The following CD38 variants were observed in gnomAD, a reference collection of about 807,000 sequenced individuals.
CD38 encodes the protein ADP-ribosyl cyclase/cyclic ADP-ribose hydrolase 1.
CD38 carries 31 observed loss-of-function variants against 36.3 expected under a neutral mutation model. The observed-to-expected ratio is 0.85, with a 90% CI of 0.64 to 1.15. CD38 has a LOEUF of 1.15. CD38 is among the 50% of genes most tolerant of loss of function. The pLI, the probability that CD38 is intolerant of heterozygous loss-of-function variation, is 0.00. For missense variants in CD38, 380 were observed against 371.9 expected, an observed-to-expected ratio of 1.02 and a Z score of -0.18; for synonymous variants, 131 against 135.2, an observed-to-expected ratio of 0.97 and a Z score of 0.22.
intron 1 of CD38, among the ~76,000 whole-genome samples, chr4:15,785,885 G>A (rs1438117367): frequency 6.6e-6 from 1 of 152,200 alleles, no homozygotes; most frequent in East Asian, 1.9e-4. Flanking sequence ...TCCTTCTGGT[G>A]TTGGACATGT....
chr4:15,816,638 A>G lies in CD38; in HGVS notation c.361A>G (p.Lys121Glu). ...GGGAACTCAGACCGTACCTTGCAACAAGGTAATTGGGGGCATGCCATTGAT... is the reference window on the plus strand; with the variant it reads ...GGGAACTCAGACCGTACCTTGCAACGAGGTAATTGGGGGCATGCCATTGAT... ...KLGTQTVPCN[K>E]ILLWSRIKDL... is the part of the protein sequence containing the mutation. The change falls in exon 2 of 8, where the codon AAG becomes GAG. Residue 121 changes from lysine to glutamate, a missense_variant and splice_region_variant. Lys to Glu is a moderately conservative substitution (Grantham distance 56, BLOSUM62 1). Transcript: ENST00000226279. The G allele has an allele frequency of 6.2e-7, 1 of 1,613,792 alleles. No individual in the cohort carries two copies.
At chr4:15,813,337 T>A (rs73114407) in intron 1 of CD38, among the ~76,000 whole-genome samples, 2 of 152,216 alleles carry the variant, frequency 1.3e-5, no homozygotes, top group Non-Finnish European at 2.9e-5. Context: ...TGTTGGATTT[T>A]GTTAATATTT....
chr4:15,848,582 T>C lies in CD38; in HGVS notation c.883T>C (p.Ser295Pro). 12 of 1,613,850 alleles carry C rather than the reference T, an allele frequency of 7.4e-6. No homozygotes were observed. Among genetic ancestry groups the C allele is most frequent in the South Asian group, 1.1e-5 (1 of 91,072 alleles). Residue 295 changes from serine to proline, a missense_variant, in exon 8 of 8, where the codon TCT becomes CCT. Coordinates refer to ENST00000226279, the MANE Select transcript of CD38 (RefSeq NM_001775.4). ...GTGTGTGAAAAATCCTGAGGATTCA[T>C]CTTGCACATCTGAGATCTGAGCCAG... is the stretch of plus-strand genomic sequence containing the variant. ...LQCVKNPEDS[S>P]CTSEI
intron 6 of CD38, 134 bp from the exon 7 acceptor site, chr4:15,840,318 G>C (rs965132718): frequency 2.7e-6 from 2 of 729,186 alleles, no homozygotes; most frequent in African/African-American, 3.5e-5. Flanking sequence ...GCTGACCCAG[G>C]AGCTCTTAGA....
In CD38 at chr4:15,838,128, C is replaced by T; in HGVS notation, c.622C>T (p.Leu208Phe). Residue 208 changes from leucine to phenylalanine, a missense_variant, in exon 5 of 8, where the codon CTC becomes TTC. Physicochemically the swap from Leu to Phe is conservative, Grantham distance 22. Coordinates refer to ENST00000226279, the MANE Select transcript of CD38 (RefSeq NM_001775.4). ...EAACDVVHVM[L>F]NGSRSKIFDK... is the part of the protein sequence containing the mutation. ...TGCCTGTGATGTGGTCCATGTGATGCTCAATGGATCCCGCAGTAAAATCTT... is the reference window on the plus strand; with the variant it reads ...TGCCTGTGATGTGGTCCATGTGATGTTCAATGGATCCCGCAGTAAAATCTT... 5 of 1,613,628 alleles carry T rather than the reference C, an allele frequency of 3.1e-6. No homozygotes were observed. The highest frequency in any genetic ancestry group is 4.2e-6 in the Non-Finnish European group (5 of 1,179,786).
Position 15,848,661 on chromosome 4 carries a change from G to T in CD38, c.*59G>T. The T allele has an allele frequency of 7.2e-7, 1 of 1,386,710 alleles. No individual in the cohort carries two copies. Among genetic ancestry groups the T allele is most frequent in the South Asian group, 1.2e-5 (1 of 85,720 alleles). The allele number at this position is 1,386,710 out of a possible 1,614,324, so 85.9% of individuals were successfully genotyped here. ...CCTTGTGGTTTATGTCATCATACAT[G>T]ACTCAGCATACCTGCTGGTGCAGAG... is the stretch of plus-strand genomic sequence containing the variant. On this transcript the variant is annotated 3_prime_UTR_variant, in exon 8 of 8. Coordinates refer to ENST00000226279, the MANE Select transcript of CD38 (RefSeq NM_001775.4).
At chr4:15,831,863 TG>T (rs1723966979) in intron 3 of CD38, among the ~76,000 whole-genome samples, 1 of 152,212 alleles carries the variant, frequency 6.6e-6, no homozygotes, top group African/African-American at 2.4e-5. Context: ...ATTATTGCTT[TG>T]AATAAACTTT....
intron 3 of CD38, among the ~76,000 whole-genome samples, chr4:15,831,485 C>T (rs1374535236): frequency 1.3e-5 from 2 of 152,122 alleles, no homozygotes; most frequent in African/African-American, 4.8e-5. Context: ...AAATCCCTCA[C>T]CTTTTGTTTG....
chr4:15,835,007 A>G (rs1248792646), intron 4 of CD38, among the ~76,000 whole-genome samples: 30 of 152,192 alleles, frequency 2.0e-4, no homozygotes, highest in Admixed American at 1.9e-3. Context: ...CATATCTGTC[A>G]TCTCGAACAT....
chr4:15,830,934 T>G (rs545786139), intron 3 of CD38, among the ~76,000 whole-genome samples: 5 of 152,250 alleles, frequency 3.3e-5, no homozygotes, highest in African/African-American at 4.8e-5. Context: ...TTCTGTTTGT[T>G]TTGTGGTCTT....
chr4:15,848,215 T>A (rs1338212891), intron 7 of CD38, among the ~76,000 whole-genome samples: 1 of 152,226 alleles, frequency 6.6e-6, no homozygotes, highest in Non-Finnish European at 1.5e-5. Context: ...GTCCCCTTGC[T>A]GAGGGTCTCC....
At chr4:15,806,662 G>A (rs1354839090) in intron 1 of CD38, among the ~76,000 whole-genome samples, 2 of 152,138 alleles carry the variant, frequency 1.3e-5, no homozygotes, top group Non-Finnish European at 2.9e-5. Flanking sequence ...AGTGGTGGGA[G>A]GTGAACTCGA....
chr4:15,837,328 AT>A (rs1274655166), intron 4 of CD38, among the ~76,000 whole-genome samples: 1 of 151,966 alleles, frequency 6.6e-6, no homozygotes, highest in Non-Finnish European at 1.5e-5. Context: ...TCTTTTTCTG[AT>A]AACAGAGGCC....
At chr4:15,807,165 G>T (rs1008280895) in intron 1 of CD38, among the ~76,000 whole-genome samples, 1 of 152,142 alleles carries the variant, frequency 6.6e-6, no homozygotes, top group African/African-American at 2.4e-5. Context: ...ACTTACTGAG[G>T]ATTTGGGCTT....
intron 1 of CD38, among the ~76,000 whole-genome samples, chr4:15,800,978 T>C (rs1723210854): frequency 6.6e-6 from 1 of 151,524 alleles, no homozygotes; most frequent in South Asian, 2.1e-4. Flanking sequence ...ATGAAATAGG[T>C]TGGAAAAGTA....
At chr4:15,794,983 T>G (rs1180998547) in intron 1 of CD38, among the ~76,000 whole-genome samples, 1 of 152,126 alleles carries the variant, frequency 6.6e-6, no homozygotes, top group Non-Finnish European at 1.5e-5. Context: ...GAATGAATAG[T>G]GTTGATTAGT....
At chr4:15,832,753 T>G (rs1282021522) in intron 3 of CD38, among the ~76,000 whole-genome samples, 1 of 152,098 alleles carries the variant, frequency 6.6e-6, no homozygotes, top group African/African-American at 2.4e-5. Flanking sequence ...TGCTCAAGGC[T>G]CTGGGGCTCT....
chr4:15,841,971 C>T (rs1240162296), intron 7 of CD38, among the ~76,000 whole-genome samples: 3 of 139,074 alleles, frequency 2.2e-5, no homozygotes, highest in African/African-American at 2.9e-5. Context: ...AAGGCGGCAA[C>T]GAGGCTGGGG....
In CD38 at chr4:15,850,406, A is replaced by T. The variant is rs73116405; in HGVS notation, c.*1804A>T. ...ACCACAATTTATTGAAAATAGCCTA[A>T]ATGTTGGAGTCAGGCATTTCTGGAT... On this transcript the variant is annotated 3_prime_UTR_variant, in exon 8 of 8. Transcript: ENST00000226279. The T allele has an allele frequency of 2.7e-3, 414 of 152,296 alleles. 2 individuals are homozygous for T. The highest frequency in any genetic ancestry group is 9.4e-3 in the African/African-American group (389 of 41,564). 9.4% of individuals were successfully genotyped at this position (152,296 alleles called of 1,614,324 possible).
Sources: gnomAD v4.1 joint callset for allele counts (sites outside exome capture counted in the v4.1 genomes callset) on GRCh38, gnomAD v4.1.1 for gene constraint, MANE v1.5 for transcripts, NCBI Gene and HGNC (gene_info 2026-07-23, HGNC 2026-07-21) for gene names.